RAB28: variants seen among roughly 807,000 people sequenced by gnomAD.
RAB28 encodes ras-related protein Rab-28.
In RAB28, 24 loss-of-function variants were observed where a neutral mutation model predicts 31.7. The observed-to-expected ratio is 0.76, with a 90% CI of 0.55 to 1.06. The LOEUF (loss-of-function observed/expected upper bound fraction) is 1.06, where lower values mean the gene tolerates loss of function less well. Among genes scored for constraint, RAB28 ranks in the 50% least tolerant of loss-of-function variants. The pLI is 0.00. For missense variants in RAB28, 254 were observed against 258.5 expected (o/e 0.98, Z 0.12); for synonymous variants, 100 against 90.4 (o/e 1.11, Z -0.60).
chr4:13,479,159 A>G (rs1716494922), intron 2 of RAB28, among the ~76,000 whole-genome samples: 1 of 151,758 alleles, frequency 6.6e-6, no homozygotes, highest in Middle Eastern at 3.2e-3. Context: ...GCTTTTCACA[A>G]TTTTATAAGC....
chr4:13,371,182 T>C (rs1193280940), intron 6 of RAB28: 10 of 985,240 alleles, frequency 1.0e-5, no homozygotes, highest in Admixed American at 6.2e-5. Context: ...TGGCTTCTGC[T>C]TCAGTTCTTT....
At chr4:13,415,732 C>G (rs528936397) in intron 4 of RAB28, among the ~76,000 whole-genome samples, 1 of 152,184 alleles carries the variant, frequency 6.6e-6, no homozygotes, top group Non-Finnish European at 1.5e-5. Context: ...TCTACGGCGC[C>G]CGGTCCCAAT....
intron 4 of RAB28, among the ~76,000 whole-genome samples, chr4:13,439,847 C>T (rs1486288949): frequency 2.0e-5 from 3 of 152,124 alleles, no homozygotes; most frequent in Non-Finnish European, 4.4e-5. Flanking sequence ...GAGCCTAGTA[C>T]CATAATGCCC....
intron 4 of RAB28, among the ~76,000 whole-genome samples, chr4:13,423,526 CATG>C (rs1294255076): frequency 5.3e-5 from 8 of 151,952 alleles, no homozygotes; most frequent in Non-Finnish European, 1.2e-4. Context: ...AACAATAATT[CATG>C]ATGTGAAATA....
At chr4:13,378,610 G>C (rs1729010532) in intron 5 of RAB28, among the ~76,000 whole-genome samples, 2 of 151,720 alleles carry the variant, frequency 1.3e-5, no homozygotes, top group Admixed American at 6.6e-5. Flanking sequence ...CCAGTAGGTG[G>C]AAAAAAAATA....
chr4:13,467,031 G>A (rs138463962), intron 3 of RAB28, among the ~76,000 whole-genome samples: 3 of 151,898 alleles, frequency 2.0e-5, no homozygotes, highest in African/African-American at 7.2e-5. Context: ...GGGGTTGGGG[G>A]AAATGGGGAA....
chr4:13,479,304 T>C (rs1716501244), intron 2 of RAB28, 126 bp downstream of exon 2: 1 of 649,048 alleles, frequency 1.5e-6, no homozygotes, highest in African/African-American at 1.9e-5. Flanking sequence ...ATCCCTAAGA[T>C]AAATTTACTG....
intron 4 of RAB28, among the ~76,000 whole-genome samples, chr4:13,437,027 A>C (rs1250729778): frequency 6.6e-6 from 1 of 152,212 alleles, no homozygotes; most frequent in African/African-American, 2.4e-5. Flanking sequence ...AGACCAATTG[A>C]ACAAAATAGA....
intron 4 of RAB28, among the ~76,000 whole-genome samples, chr4:13,453,151 C>T (rs1935787605): frequency 6.6e-6 from 1 of 151,944 alleles, no homozygotes; most frequent in South Asian, 2.1e-4. Context: ...CACTTTCAGT[C>T]TATGTGTGTC....
chr4:13,482,024 T>C (rs1016406375), intron 1 of RAB28, among the ~76,000 whole-genome samples: 1 of 152,176 alleles, frequency 6.6e-6, no homozygotes, highest in African/African-American at 2.4e-5. Flanking sequence ...AGGTGTCAGA[T>C]GTTTGTGTCT....
At chr4:13,445,416 T>G (rs1175401662) in intron 4 of RAB28, among the ~76,000 whole-genome samples, 1 of 152,068 alleles carries the variant, frequency 6.6e-6, no homozygotes, top group Non-Finnish European at 1.5e-5. Flanking sequence ...GGAGAAGTGT[T>G]GCGATCATTT....
At chr4:13,413,183 T>A (rs948804274) in intron 4 of RAB28, among the ~76,000 whole-genome samples, 1 of 152,150 alleles carries the variant, frequency 6.6e-6, no homozygotes, top group African/African-American at 2.4e-5. Context: ...TCCACCCCAA[T>A]AAACAGATAC....
At chr4:13,383,735 T>C (rs1040766434) in intron 4 of RAB28, among the ~76,000 whole-genome samples, 5 of 152,132 alleles carry the variant, frequency 3.3e-5, no homozygotes, top group African/African-American at 1.2e-4. Flanking sequence ...TCTCATGAGA[T>C]CTTATAGTTT....
At chr4:13,421,564 A>C (rs778060712) in intron 4 of RAB28, among the ~76,000 whole-genome samples, 6 of 152,108 alleles carry the variant, frequency 3.9e-5, no homozygotes, top group Non-Finnish European at 5.9e-5. Flanking sequence ...GAGATAGAAC[A>C]ATCTAACAGA....
At chr4:13,370,231 A>T in intron 6 of RAB28, 1 of 969,956 alleles carries the variant, frequency 1.0e-6, no homozygotes, top group Non-Finnish European at 1.2e-6. Context: ...AATAGATATG[A>T]CCACTGAACT....
At chr4:13,392,794 T>C (rs962025923) in intron 4 of RAB28, among the ~76,000 whole-genome samples, 1 of 152,228 alleles carries the variant, frequency 6.6e-6, no homozygotes, top group African/African-American at 2.4e-5. Flanking sequence ...ATAAATACGT[T>C]AATTAGCTTG....
At chr4:13,483,516 A>C (rs1018995369) in intron 1 of RAB28, among the ~76,000 whole-genome samples, 3 of 152,222 alleles carry the variant, frequency 2.0e-5, no homozygotes, top group Non-Finnish European at 4.4e-5. Flanking sequence ...CACATTTAAT[A>C]TGTATTTTCA....
At chr4:13,481,709 C>T (rs1347785774) in intron 1 of RAB28, among the ~76,000 whole-genome samples, 3 of 151,898 alleles carry the variant, frequency 2.0e-5, no homozygotes, top group East Asian at 1.9e-4. Context: ...AATAGAAACA[C>T]GTGATACTGG....
At chr4:13,383,106 C>T (rs1729206302) in intron 4 of RAB28, among the ~76,000 whole-genome samples, 1 of 152,054 alleles carries the variant, frequency 6.6e-6, no homozygotes, top group Non-Finnish European at 1.5e-5. Context: ...TGTCCAGATA[C>T]CACAGGCATC....
Sources: gnomAD v4.1 joint callset for allele counts (sites outside exome capture counted in the v4.1 genomes callset) on GRCh38, gnomAD v4.1.1 for gene constraint, MANE v1.5 for transcripts, NCBI Gene and HGNC (gene_info 2026-07-23, HGNC 2026-07-21) for gene names.